The following TMEM117 variants were observed in gnomAD, a reference collection of about 807,000 sequenced individuals.
TMEM117 encodes the protein transmembrane protein 117.
A neutral mutation model predicts 52.4 loss-of-function variants in TMEM117; 27 were observed. The ratio of observed to expected loss-of-function variants is 0.51; its 90% CI spans 0.38 to 0.71. The LOEUF is 0.71. TMEM117 is among the 30% of genes least tolerant of loss of function. TMEM117 has a pLI of 0.00. For missense variants in TMEM117, 556 were observed against 630.5 expected, an observed-to-expected ratio of 0.88 and a Z score of 1.26; for synonymous variants, 215 against 206.3, an observed-to-expected ratio of 1.04 and a Z score of -0.36.
chr12:44,283,298 A>C (rs1950600212), intron 5 of TMEM117, among the ~76,000 whole-genome samples: 1 of 152,270 alleles, frequency 6.6e-6, no homozygotes, highest in South Asian at 2.1e-4. Context: ...AGACCCACCA[A>C]GAGCTTGCAC....
rs562173882 is a variant in TMEM117 at position 44,197,777 on chromosome 12, A to G, written c.511-13513A>G. On this transcript the variant is annotated intron_variant, in intron 4 of 7. Coordinates refer to ENST00000266534, the MANE Select transcript of TMEM117 (RefSeq NM_032256.3). Reference sequence around the variant, plus strand: ...GCTTCTTTATTCTGAGACATGCCCAATTTCCTTACTTAATAATAAAACAGT... The same window carrying G: ...GCTTCTTTATTCTGAGACATGCCCAGTTTCCTTACTTAATAATAAAACAGT... Among the ~76,000 whole-genome samples, 33 of 152,278 alleles carry G rather than the reference A, an allele frequency of 2.2e-4. No individual in the cohort carries two copies. The South Asian group carries it at 6.2e-3, about 29-fold the overall frequency.
chr12:43,917,028 C>T (rs1342366826), intron 2 of TMEM117, among the ~76,000 whole-genome samples: 1 of 149,104 alleles, frequency 6.7e-6, no homozygotes, highest in East Asian at 2.1e-4. Context: ...TTACGGCCTC[C>T]CTATGCCCAG....
chr12:44,128,171 C>A (rs997832314), intron 3 of TMEM117, among the ~76,000 whole-genome samples: 21 of 152,352 alleles, frequency 1.4e-4, no homozygotes, highest in African/African-American at 5.0e-4. Context: ...GGCATTCCAG[C>A]AGCAGCCCTG....
At chr12:44,347,037 A>C (rs1216751027) in intron 6 of TMEM117, among the ~76,000 whole-genome samples, 2 of 151,890 alleles carry the variant, frequency 1.3e-5, no homozygotes, top group Non-Finnish European at 2.9e-5. Flanking sequence ...TTCATTTGTA[A>C]ATCTTCTCCC....
the TMEM117 span, among the ~76,000 whole-genome samples, chr12:43,808,066 G>A: frequency 6.6e-6 from 1 of 152,312 alleles, no homozygotes; most frequent in African/African-American, 2.4e-5. Flanking sequence ...GAGTTGGGAA[G>A]TCAGCAGGTT....
the TMEM117 span, chr12:43,796,935 A>G: frequency 6.3e-7 from 1 of 1,592,052 alleles, no homozygotes; most frequent in Admixed American, 1.8e-5. Context: ...ATGAAAAGAA[A>G]AATTTAGCAA....
chr12:43,823,775 GT>G, the TMEM117 span, among the ~76,000 whole-genome samples: 1 of 151,974 alleles, frequency 6.6e-6, no homozygotes, highest in Admixed American at 6.6e-5. Context: ...GCCTCCCAAA[GT>G]GCTAGGCATG....
At chr12:43,806,090 C>G in the TMEM117 span, 35 of 1,519,290 alleles carry the variant, frequency 2.3e-5, no homozygotes, top group African/African-American at 4.4e-4. Context: ...GGCGCCGAGG[C>G]CCGGCTCGCC....
At chr12:44,153,487 G>A (rs1382743785) in intron 4 of TMEM117, among the ~76,000 whole-genome samples, 2 of 151,928 alleles carry the variant, frequency 1.3e-5, no homozygotes, top group South Asian at 2.1e-4. Context: ...TTTTAGGCAC[G>A]AAATGATATA....
intron 3 of TMEM117, among the ~76,000 whole-genome samples, chr12:44,090,396 CTTTTTATTTATTTATTTATT>C (rs554571425): frequency 0.1 from 14,443 of 143,880 alleles, 840 homozygotes; most frequent in Middle Eastern, 0.17. Flanking sequence ...TTTTATCTTA[CTTTTTATTTATTTATTTATT>C]TATTTATTTA....
intron 2 of TMEM117, among the ~76,000 whole-genome samples, chr12:43,930,915 A>G (rs1205382414): frequency 6.6e-6 from 1 of 152,156 alleles, no homozygotes; most frequent in East Asian, 1.9e-4. Context: ...AATGGAAGAG[A>G]TAGAGCTGGG....
chr12:44,139,844 A>C (rs1412751185), intron 3 of TMEM117, among the ~76,000 whole-genome samples: 1 of 152,146 alleles, frequency 6.6e-6, no homozygotes, highest in East Asian at 1.9e-4. Context: ...GTGATATTCA[A>C]ACTGGCTAAA....
chr12:44,008,946 TA>T, intron 3 of TMEM117: 1 of 383,132 alleles, frequency 2.6e-6, no homozygotes, highest in Non-Finnish European at 5.2e-6. Flanking sequence ...GAACTCCATC[TA>T]AACCTTGTGT....
At chr12:44,384,881 C>T (rs1164384014) in intron 7 of TMEM117, among the ~76,000 whole-genome samples, 1 of 152,102 alleles carries the variant, frequency 6.6e-6, no homozygotes, top group African/African-American at 2.4e-5. Flanking sequence ...AGAGAATGTT[C>T]TAACACAACA....
At chr12:44,325,074 T>G (rs1951178090) in intron 6 of TMEM117, among the ~76,000 whole-genome samples, 1 of 152,252 alleles carries the variant, frequency 6.6e-6, no homozygotes, top group Non-Finnish European at 1.5e-5. Context: ...ATATTAGTAG[T>G]TTCCAATTTG....
intron 4 of TMEM117, among the ~76,000 whole-genome samples, chr12:44,165,720 A>C (rs940405615): frequency 1.3e-5 from 2 of 152,212 alleles, no homozygotes; most frequent in African/African-American, 4.8e-5. Context: ...ATCCAGATAC[A>C]TAAAGCAATT....
At chr12:43,936,304 G>GT (rs1944951303) in intron 2 of TMEM117, among the ~76,000 whole-genome samples, 1 of 152,182 alleles carries the variant, frequency 6.6e-6, no homozygotes, top group Non-Finnish European at 1.5e-5. Context: ...AATGGAAGGT[G>GT]TGTAGGAGTA....
intron 1 of TMEM117, among the ~76,000 whole-genome samples, chr12:43,844,416 C>T (rs2137355092): frequency 6.6e-6 from 1 of 152,294 alleles, no homozygotes; most frequent in Non-Finnish European, 1.5e-5. Flanking sequence ...TTCCTAAGTC[C>T]CCAGATGATC....
intron 2 of TMEM117, among the ~76,000 whole-genome samples, chr12:43,858,002 G>A (rs1350001190): frequency 6.6e-6 from 1 of 152,208 alleles, no homozygotes; most frequent in African/African-American, 2.4e-5. Context: ...AAGATTTAGG[G>A]ATATGCAGAG....
Sources: gnomAD v4.1 joint callset for allele counts (sites outside exome capture counted in the v4.1 genomes callset) on GRCh38, gnomAD v4.1.1 for gene constraint, MANE v1.5 for transcripts, NCBI Gene and HGNC (gene_info 2026-07-23, HGNC 2026-07-21) for gene names.